The following INAVA variants were observed in gnomAD, a reference collection of about 807,000 sequenced individuals.
The protein encoded by INAVA is innate immunity activator.
INAVA carries 32 observed loss-of-function variants against 55.3 expected under a neutral mutation model. That is an observed-to-expected ratio of 0.58 (90% CI 0.44 to 0.78). The LOEUF (loss-of-function observed/expected upper bound fraction) is 0.78, where lower values mean the gene tolerates loss of function less well. INAVA is among the 30% of genes least tolerant of loss of function. The pLI is 0.00. For synonymous variants in INAVA, 294 were observed against 329.4 expected (o/e 0.89, Z 1.16); for missense variants, 756 against 786.4 (o/e 0.96, Z 0.46).
rs150471787 is a variant in INAVA, at chr1:200,895,713, T to C, written c.-95+626T>C. The stretch of plus-strand genomic sequence containing the variant: ...CAGAGGCAGATGTGAGGGTCCGCTA[T>C]GTGGCTGTACGGGTTTCCTTCTTGG... On this transcript the variant is annotated intron_variant, in intron 1 of 9. Transcript: ENST00000413687. 2.3e-3 allele frequency among the ~76,000 whole-genome samples: 352 copies of C among 152,276 alleles called. 1 individual carries two copies. The highest frequency in any genetic ancestry group is 4.1e-3 in the Non-Finnish European group (281 of 68,004).
chr1:200,911,607 A>C lies in INAVA; in HGVS notation c.1114A>C (p.Ser372Arg). Residue 372 changes from serine to arginine, a missense_variant, in exon 9 of 10, where the codon AGT becomes CGT. By Grantham distance (110) the Ser-to-Arg change is moderately radical. Around this residue, in one of 2 missense-constraint regions of INAVA, gnomAD observed 639 missense variants for 624.3 expected, o/e 1.02. Transcript: ENST00000413687. ...HAACHSCSED[S>R]GSDVSSISHP... Reference sequence around the variant, plus strand: ...CGCCTGCCACTCCTGCTCAGAAGACAGTGGCTCTGACGTCTCCAGCATCTC... The same window carrying C: ...CGCCTGCCACTCCTGCTCAGAAGACCGTGGCTCTGACGTCTCCAGCATCTC... 6.2e-7 allele frequency: 1 copy of C among 1,613,916 alleles called. No homozygotes were observed. Among genetic ancestry groups the C allele is most frequent in the Non-Finnish European group, 8.5e-7 (1 of 1,179,920 alleles).
At position 200,899,679 on chromosome 1, in the gene INAVA, A is replaced by G. The variant is rs1395734535; in HGVS notation, c.180+82A>G. On this transcript the variant is annotated intron_variant, in intron 3 of 9. Transcript: ENST00000413687. Reference sequence around the variant, plus strand: ...ACGTGTGGGGATGCGGGAGCTGGGGAGAGGGAGCCCCATTCTTGAGGGAAT... The same window carrying G: ...ACGTGTGGGGATGCGGGAGCTGGGGGGAGGGAGCCCCATTCTTGAGGGAAT... The G allele has an allele frequency of 1.9e-6, 3 of 1,541,140 alleles. No individual in the cohort carries two copies. The African/African-American group carries it at 4.1e-5, about 21-fold the overall frequency.
Position 200,913,580 on chromosome 1 carries a change from C to G in INAVA, c.1688C>G (p.Pro563Arg), listed in dbSNP as rs1479157592. 2 of 1,614,022 alleles carry G rather than the reference C, an allele frequency of 1.2e-6. No homozygotes were observed. Among genetic ancestry groups the G allele is most frequent in the East Asian group, 4.5e-5 (2 of 44,884 alleles). ...CTGCGGAGATCGCCTGATGGGGCCC[C>G]TGTGCAAGTCTTTGTACCTGAAAAA... is the stretch of plus-strand genomic sequence containing the variant. ...CVLRRSPDGA[P>R]VQVFVPEKGE... Residue 563 changes from proline to arginine, a missense_variant, in exon 10 of 10, where the codon CCT (proline) becomes CGT (arginine). By Grantham distance (103) the Pro-to-Arg change is moderately radical. Around this residue, in one of 2 missense-constraint regions of INAVA, gnomAD observed 117 missense variants for 162.1 expected, o/e 0.72. Transcript: ENST00000413687.
At chr1:200,896,413 G>A (rs1049104169) in intron 1 of INAVA, among the ~76,000 whole-genome samples, 4 of 152,080 alleles carry the variant, frequency 2.6e-5, no homozygotes, top group African/African-American at 9.7e-5. Flanking sequence ...TTATCTCTAC[G>A]AGGGATAGAG....
chr1:200,893,610 G>T (rs1423635784), upstream of INAVA, among the ~76,000 whole-genome samples: 1 of 152,178 alleles, frequency 6.6e-6, no homozygotes, highest in Non-Finnish European at 1.5e-5. Context: ...GGGGGAGGAA[G>T]AACTGTCCCC....
intron 5 of INAVA, among the ~76,000 whole-genome samples, chr1:200,904,672 G>C (rs1005243665): frequency 5.1e-4 from 78 of 152,134 alleles, no homozygotes; most frequent in Non-Finnish European, 5.6e-4. Context: ...CTGAGCTAGG[G>C]CAGGGTTGGG....
At position 200,904,216 on chromosome 1, in the gene INAVA, G is replaced by A. The variant is rs148822130; in HGVS notation, c.520+3057G>A. ...CGATTCTCCTGCCTCAGCCTCCTGA[G>A]TAGCTGGGACTGCAGATGCGTGCTG... On this transcript the variant is annotated intron_variant, in intron 5 of 9. Transcript: ENST00000413687. Among the ~76,000 whole-genome samples the A allele has an allele frequency of 8.3e-3, 1,262 of 152,198 alleles. 7 individuals are homozygous for A. The highest frequency in any genetic ancestry group is 0.012 in the Non-Finnish European group (847 of 68,010).
chr1:200,911,821 G>T lies in INAVA; in HGVS notation c.1328G>T (p.Ser443Ile). Residue 443 changes from serine to isoleucine, a missense_variant, in exon 9 of 10, where the codon AGC becomes ATC. Transcript: ENST00000413687. ...PAGRYVVVAE[S>I]PLPPGEWELR... ...GGGCGGTACGTGGTGGTGGCTGAGAGCCCCCTGCCGCCTGGCGAGTGGGAG... is the reference window on the plus strand; with the variant it reads ...GGGCGGTACGTGGTGGTGGCTGAGATCCCCCTGCCGCCTGGCGAGTGGGAG... The T allele has an allele frequency of 6.2e-7, 1 of 1,604,030 alleles. No individual in the cohort carries two copies. Among genetic ancestry groups the T allele is most frequent in the Non-Finnish European group, 8.5e-7 (1 of 1,177,702 alleles).
At chr1:200,895,186 C>T (rs1056610389) in intron 1 of INAVA, 99 bp downstream of exon 1, 1 of 915,526 alleles carries the variant, frequency 1.1e-6, no homozygotes, top group African/African-American at 1.8e-5. Flanking sequence ...CTCCGACCCC[C>T]ACCCCCGCCA....
At chr1:200,891,604 G>T (rs780075044), upstream of INAVA, 5 of 1,560,814 alleles carry the variant, frequency 3.2e-6, no homozygotes, top group Middle Eastern at 1.7e-4. Context: ...GGAGGCTCGG[G>T]GGGAGGGAAG....
At position 200,911,745 on chromosome 1, in the gene INAVA, C is replaced by G; in HGVS notation, c.1252C>G (p.Leu418Val). ...GAWVPAGSRE[L>V]VAHHPKLLLP... ...CTGGGTCCCAGCCGGCAGCAGAGAG[C>G]TGGTCGCCCACCACCCCAAGCTACT... The change falls in exon 9 of 10, where the codon CTG becomes GTG. Residue 418 changes from leucine (L) to valine (V), a missense_variant. Coordinates refer to ENST00000413687, the MANE Select transcript of INAVA (RefSeq NM_001142569.3). The G allele has an allele frequency of 6.2e-7, 1 of 1,611,914 alleles. No homozygotes were observed. Among genetic ancestry groups the G allele is most frequent in the Non-Finnish European group, 8.5e-7 (1 of 1,178,638 alleles).
intron 5 of INAVA, 150 bp from the exon 6 acceptor site, chr1:200,907,684 A>T (rs1024260614): frequency 1.8e-5 from 10 of 544,376 alleles, no homozygotes; most frequent in Non-Finnish European, 2.9e-5. Flanking sequence ...ATCACTCCCA[A>T]TGTGTATTTA....
At chr1:200,909,076 G>A (rs1436975942) in intron 7 of INAVA, 136 bp downstream of exon 7, 1 of 1,297,698 alleles carries the variant, frequency 7.7e-7, no homozygotes, top group Admixed American at 2.7e-5. Flanking sequence ...TGGGATGGAG[G>A]TGTGAGCCTT....
intron 8 of INAVA, among the ~76,000 whole-genome samples, chr1:200,910,227 C>T (rs1653660396): frequency 6.6e-6 from 1 of 152,196 alleles, no homozygotes; most frequent in South Asian, 2.1e-4. Flanking sequence ...CGTTTAACCT[C>T]AGAACTTAAA....
chr1:200,907,929 C>A, intron 6 of INAVA, 42 bp downstream of exon 6: 1 of 1,537,522 alleles, frequency 6.5e-7, no homozygotes, highest in Non-Finnish European at 9.0e-7. Context: ...GGCTGGACTC[C>A]TACTGCAAGA....
chr1:200,893,082 G>A (rs891459237), upstream of INAVA, among the ~76,000 whole-genome samples: 2 of 152,154 alleles, frequency 1.3e-5, no homozygotes, highest in Admixed American at 6.5e-5. Context: ...ACCTTTAACA[G>A]ATTTTAACAT....
At chr1:200,908,306 G>A (rs567037256) in intron 6 of INAVA, 4 of 205,512 alleles carry the variant, frequency 1.9e-5, no homozygotes, top group South Asian at 1.3e-4. Flanking sequence ...CAAACCATGA[G>A]GATGCCAGGG....
intron 5 of INAVA, among the ~76,000 whole-genome samples, chr1:200,907,472 A>T (rs1036533688): frequency 1.3e-5 from 2 of 152,078 alleles, no homozygotes; most frequent in African/African-American, 4.8e-5. Flanking sequence ...CCTGGGCAAG[A>T]CAGCAAGACC....
At chr1:200,905,486 G>T (rs562434998) in intron 5 of INAVA, among the ~76,000 whole-genome samples, 30 of 152,306 alleles carry the variant, frequency 2.0e-4, no homozygotes, top group African/African-American at 7.2e-4. Context: ...AGGAGGTCAA[G>T]GCTGCAGTGA....
Sources: gnomAD v4.1 joint callset for allele counts (sites outside exome capture counted in the v4.1 genomes callset) on GRCh38, gnomAD v4.1.1 for gene constraint, gnomAD v4.1.1 regional missense constraint, MANE v1.5 for transcripts, NCBI Gene and HGNC (gene_info 2026-07-23, HGNC 2026-07-21) for gene names.